The following GNAI3 variants were observed in gnomAD, a reference collection of about 807,000 sequenced individuals.
The protein encoded by GNAI3 is guanine nucleotide-binding protein G(i) subunit alpha-3.
In GNAI3, 12 loss-of-function variants were observed where a neutral mutation model predicts 41.8. The ratio of observed to expected loss-of-function variants is 0.29; its 90% CI spans 0.18 to 0.47. GNAI3 has a LOEUF of 0.47. GNAI3 is among the 20% of genes least tolerant of loss of function. The pLI, the probability that GNAI3 is intolerant of heterozygous loss-of-function variation, is 1.00. For synonymous variants in GNAI3, 132 were observed against 146.5 expected, an observed-to-expected ratio of 0.90 and a Z score of 0.71; for missense variants, 360 against 429.6, an observed-to-expected ratio of 0.84 and a Z score of 1.43.
chr1:109,572,035 C>T (rs980869544), intron 1 of GNAI3, among the ~76,000 whole-genome samples: 2 of 152,084 alleles, frequency 1.3e-5, no homozygotes, highest in African/African-American at 4.8e-5. Context: ...GGGTTGGGTG[C>T]GGTGGCTTTC....
At chr1:109,582,127 A>G (rs1648905497) in intron 4 of GNAI3, among the ~76,000 whole-genome samples, 1 of 152,098 alleles carries the variant, frequency 6.6e-6, no homozygotes, top group Admixed American at 6.6e-5. Context: ...ATTAGCTAGG[A>G]CTACAGGCAT....
chr1:109,589,236 TATC>T (rs1428708621), intron 7 of GNAI3, among the ~76,000 whole-genome samples: 8 of 152,114 alleles, frequency 5.3e-5, no homozygotes, highest in Non-Finnish European at 1.0e-4. Flanking sequence ...GGAAGAAAGA[TATC>T]ATAACCAAAA....
chr1:109,554,563 ATTGT>A (rs1648093105), intron 1 of GNAI3, among the ~76,000 whole-genome samples: 1 of 151,844 alleles, frequency 6.6e-6, no homozygotes, highest in Non-Finnish European at 1.5e-5. Flanking sequence ...TTTTGATGGG[ATTGT>A]TTTTTTCGTG....
In GNAI3 at chr1:109,582,430, T is replaced by C. The variant is rs768212572; in HGVS notation, c.462-7T>C. On this transcript the variant is annotated splice_polypyrimidine_tract_variant and splice_region_variant and intron_variant, in intron 4 of 8. Transcript: ENST00000369851. ...ACCAAGTAAAAGTAAACGTGTCTTT[T>C]ATTTAGTTATCTAAATGATCTGGAT... 6.2e-7 allele frequency: 1 copy of C among 1,604,354 alleles called. No individual in the cohort carries two copies. The highest frequency in any genetic ancestry group is 8.5e-7 in the Non-Finnish European group (1 of 1,171,472).
intron 5 of GNAI3, among the ~76,000 whole-genome samples, chr1:109,584,671 G>T (rs1187349853): frequency 6.6e-6 from 1 of 152,198 alleles, no homozygotes; most frequent in Admixed American, 6.5e-5. Context: ...TCTACCATAT[G>T]CAAGGCATTG....
chr1:109,598,301 G>A lies in GNAI3; in HGVS notation c.*5979G>A, dbSNP rs555616551. 2 of 152,352 alleles carry A rather than the reference G, an allele frequency of 1.3e-5. No homozygotes were observed. The highest frequency in any genetic ancestry group is 6.5e-5 in the Admixed American group (1 of 15,300). The allele number at this position is 152,352 out of a possible 1,614,324, so 9.4% of individuals were successfully genotyped here. A position where few individuals can be genotyped will look rare whatever the true frequency, so the allele number is the denominator to read the frequency against. Reference sequence around the variant, plus strand: ...GTCCTGAGACCTCTCAGAATCTTACGAGGTTGGAGAGTTGTTTGGAATGCT... The same window carrying A: ...GTCCTGAGACCTCTCAGAATCTTACAAGGTTGGAGAGTTGTTTGGAATGCT... On this transcript the variant is annotated 3_prime_UTR_variant, in exon 9 of 9. Transcript: ENST00000369851.
At chr1:109,562,424 G>A (rs941719209) in intron 1 of GNAI3, among the ~76,000 whole-genome samples, 1 of 152,114 alleles carries the variant, frequency 6.6e-6, no homozygotes, top group Non-Finnish European at 1.5e-5. Context: ...CGGATACCAA[G>A]GTATGTGTGT....
intron 1 of GNAI3, among the ~76,000 whole-genome samples, chr1:109,566,500 T>A (rs1227942219): frequency 2.0e-5 from 3 of 152,218 alleles, no homozygotes; most frequent in Non-Finnish European, 4.4e-5. Flanking sequence ...TTTATTGAAC[T>A]AAGAAGCAAC....
intron 7 of GNAI3, chr1:109,591,566 C>G: frequency 1.5e-6 from 1 of 647,960 alleles, no homozygotes; most frequent in Non-Finnish European, 2.8e-6. Context: ...ATTTGCGTGT[C>G]ATCCTTGCGC....
chr1:109,574,775 A>G (rs999879862), intron 3 of GNAI3, among the ~76,000 whole-genome samples: 3 of 152,196 alleles, frequency 2.0e-5, no homozygotes, highest in African/African-American at 7.2e-5. Context: ...ATTATTTCCT[A>G]CATCTAAGGG....
rs770394763 is a variant in GNAI3 at position 109,598,973 on chromosome 1, A to G, written c.*6651A>G. On this transcript the variant is annotated 3_prime_UTR_variant, in exon 9 of 9. Coordinates refer to ENST00000369851, the MANE Select transcript of GNAI3 (RefSeq NM_006496.4). Reference sequence around the variant, plus strand: ...CTTCTCCACCCAGCATGGCCGGCACACTTTGGTCTACGGCACATCTCCAAG... The same window carrying G: ...CTTCTCCACCCAGCATGGCCGGCACGCTTTGGTCTACGGCACATCTCCAAG... The G allele has an allele frequency of 3.7e-6, 2 of 534,888 alleles. No homozygotes were observed. The highest frequency in any genetic ancestry group is 1.4e-5 in the South Asian group (1 of 71,776). 33.1% of individuals were successfully genotyped at this position (534,888 alleles called of 1,614,324 possible).
intron 7 of GNAI3, among the ~76,000 whole-genome samples, chr1:109,588,437 T>C (rs1411891520): frequency 6.6e-6 from 1 of 151,200 alleles, no homozygotes; most frequent in African/African-American, 2.4e-5. Flanking sequence ...AGGAGAGAGA[T>C]TCTGGCCGTG....
intron 1 of GNAI3, among the ~76,000 whole-genome samples, chr1:109,571,547 A>G (rs959390100): frequency 1.3e-5 from 2 of 152,222 alleles, no homozygotes; most frequent in African/African-American, 4.8e-5. Context: ...TATTACAAAC[A>G]AAGTGATTAG....
At chr1:109,569,641 A>G (rs1648541860) in intron 1 of GNAI3, among the ~76,000 whole-genome samples, 1 of 152,192 alleles carries the variant, frequency 6.6e-6, no homozygotes, top group Non-Finnish European at 1.5e-5. Context: ...AAGTGTTTCA[A>G]TAATTTGGAG....
rs1275820207 is a variant in GNAI3, at chr1:109,592,413, G to A, written c.*91G>A. The A allele has an allele frequency of 1.0e-5, 5 of 481,190 alleles. No homozygotes were observed. The highest frequency in any genetic ancestry group is 8.8e-5 in the East Asian group (3 of 34,108). The allele number at this position is 481,190 out of a possible 1,614,324, so 29.8% of individuals were successfully genotyped here. A position where few individuals can be genotyped will look rare whatever the true frequency, so the allele number is the denominator to read the frequency against. On this transcript the variant is annotated 3_prime_UTR_variant, in exon 9 of 9. Transcript: ENST00000369851. ...TCATGGGGCAGCTACAAGCATGAACGGGACCAGGGAATGGCAGCAGCATGC... is the reference window on the plus strand; with the variant it reads ...TCATGGGGCAGCTACAAGCATGAACAGGACCAGGGAATGGCAGCAGCATGC...
At chr1:109,564,263 T>A (rs1298003436) in intron 1 of GNAI3, among the ~76,000 whole-genome samples, 1 of 152,146 alleles carries the variant, frequency 6.6e-6, no homozygotes, top group African/African-American at 2.4e-5. Context: ...ATTTCTGCCT[T>A]TATTTTATTT....
intron 6 of GNAI3, 61 bp from the exon 7 acceptor site, chr1:109,586,668 C>T: frequency 8.0e-7 from 1 of 1,250,866 alleles, no homozygotes; most frequent in East Asian, 2.3e-5. Flanking sequence ...TTGTCTTTTT[C>T]ATTAACTTAA....
intron 2 of GNAI3, 35 bp from the exon 3 acceptor site, chr1:109,573,861 C>T: frequency 6.2e-7 from 1 of 1,605,014 alleles, no homozygotes; most frequent in Non-Finnish European, 8.5e-7. Flanking sequence ...ATTTTAGGTC[C>T]ATGGTATTGA....
At chr1:109,587,482 A>G (rs1321701325) in intron 7 of GNAI3, among the ~76,000 whole-genome samples, 1 of 152,194 alleles carries the variant, frequency 6.6e-6, no homozygotes, top group African/African-American at 2.4e-5. Flanking sequence ...TAGAGCTACT[A>G]AGAGGATGAA....
Sources: gnomAD v4.1 joint callset for allele counts (sites outside exome capture counted in the v4.1 genomes callset) on GRCh38, gnomAD v4.1.1 for gene constraint, MANE v1.5 for transcripts, NCBI Gene and HGNC (gene_info 2026-07-23, HGNC 2026-07-21) for gene names.